Variants in ROCK2 observed in about 807,000 individuals in gnomAD.
ROCK2 encodes the protein rho-associated protein kinase 2.
In ROCK2, 61 loss-of-function variants were observed where a neutral mutation model predicts 195.1. That is an observed-to-expected ratio of 0.31 (90% confidence interval 0.25 to 0.39). The LOEUF (loss-of-function observed/expected upper bound fraction) is 0.39. Ranked by LOEUF, ROCK2 falls within the 10% of genes least tolerant of loss-of-function variation. The pLI is 1.00. For missense variants in ROCK2, 1,109 were observed against 1,637.4 expected (o/e 0.68, Z 5.57); for synonymous variants, 504 against 545.5 (o/e 0.92, Z 1.06).
rs530362552 is a variant in ROCK2 at position 11,208,013 on chromosome 2, C to A, written c.2365-103G>T. 6.2e-4 allele frequency: 465 copies of A among 753,394 alleles called. 3 individuals carry two copies. Among genetic ancestry groups the A allele is most frequent in the Non-Finnish European group, 9.4e-5 (50 of 529,844 alleles). The allele number at this position is 753,394 out of a possible 1,614,324, so 46.7% of individuals were successfully genotyped here. ...GGTGATGTAAAACAGATTTTTTTAC[C>A]CTTAGGTAGCTAATTCATTTCATAC... On this transcript the variant is annotated intron_variant, in intron 19 of 32. Transcript: ENST00000315872.
intron 7 of ROCK2, among the ~76,000 whole-genome samples, 166 bp downstream of exon 7, chr2:11,224,156 G>A (rs900713354): frequency 6.6e-6 from 1 of 152,110 alleles, no homozygotes; most frequent in Non-Finnish European, 1.5e-5. Flanking sequence ...TAACAACAAG[G>A]TAGCCCAACA....
Position 11,232,280 on chromosome 2 carries a change from C to T in ROCK2, c.723+3422G>A, listed in dbSNP as rs562840674. Among the ~76,000 whole-genome samples the T allele has an allele frequency of 2.2e-4, 33 of 152,184 alleles. No homozygotes were observed. The South Asian group carries it at 2.7e-3, about 12-fold the overall frequency. On this transcript the variant is annotated intron_variant, in intron 5 of 32. Coordinates refer to ENST00000315872, the MANE Select transcript of ROCK2 (RefSeq NM_004850.5). ...AGGAGCTGGGATTACAGGCATGCAC[C>T]ATCACGCCTGGCTAATTTTTCTGTT...
At chr2:11,214,159 G>T (rs1459900313) in intron 17 of ROCK2, among the ~76,000 whole-genome samples, 198 bp downstream of exon 17, 1 of 152,092 alleles carries the variant, frequency 6.6e-6, no homozygotes, top group Non-Finnish European at 1.5e-5. Flanking sequence ...TGAGCAACCA[G>T]CATGCTGAGG....
chr2:11,343,888 G>A, intron 1 of ROCK2, 108 bp downstream of exon 1: 2 of 1,374,324 alleles, frequency 1.5e-6, no homozygotes, highest in Non-Finnish European at 1.9e-6. Flanking sequence ...GGGCGGGGTG[G>A]GGCAAGACCT....
intron 3 of ROCK2, among the ~76,000 whole-genome samples, chr2:11,258,907 G>A (rs1666128550): frequency 6.6e-6 from 1 of 151,174 alleles, no homozygotes; most frequent in Non-Finnish European, 1.5e-5. Flanking sequence ...AAAAGGGAAA[G>A]AGTTGGAGCT....
At chr2:11,254,727 TAAAAA>T (rs10640683) in intron 3 of ROCK2, among the ~76,000 whole-genome samples, 3 of 39,126 alleles carry the variant, frequency 7.7e-5, no homozygotes, top group Admixed American at 3.6e-4. Context: ...CCCTGTCTCT[TAAAAA>T]AAAAAAAAAA....
At chr2:11,209,852 T>C (rs142877658) in intron 18 of ROCK2, among the ~76,000 whole-genome samples, 149 of 152,308 alleles carry the variant, frequency 9.8e-4, no homozygotes, top group Non-Finnish European at 1.5e-3. Context: ...AAATGAAACA[T>C]TCCCCATGTA....
Position 11,344,270 on chromosome 2 carries a change from C to A in ROCK2, c.-134G>T. 1 of 1,281,084 alleles carries A rather than the reference C, an allele frequency of 7.8e-7. No individual in the cohort carries two copies. Among genetic ancestry groups the A allele is most frequent in the Non-Finnish European group, 9.8e-7 (1 of 1,016,770 alleles). The allele number at this position is 1,281,084 out of a possible 1,614,324, so 79.4% of individuals were successfully genotyped here. On this transcript the variant is annotated 5_prime_UTR_variant, in exon 1 of 33. Transcript: ENST00000315872. The surrounding 1 kb of genome is among the most constrained non-coding windows in gnomAD (Gnocchi z 5.4). ...CACCGCCTGCCTCTAGCTCCGGCTT[C>A]GGGTCTCCAAGGCGGTCCCCCGCCT...
intron 9 of ROCK2, among the ~76,000 whole-genome samples, chr2:11,220,197 T>C (rs1030903195): frequency 6.6e-6 from 1 of 152,172 alleles, no homozygotes; most frequent in Non-Finnish European, 1.5e-5. Flanking sequence ...TTGTATTTTT[T>C]AGTAGAGACG....
chr2:11,307,096 G>A (rs1283937411), intron 1 of ROCK2, among the ~76,000 whole-genome samples: 1 of 151,950 alleles, frequency 6.6e-6, no homozygotes, highest in Non-Finnish European at 1.5e-5. Flanking sequence ...TAACAACAAT[G>A]GTTTCAATTA....
At chr2:11,332,499 G>A (rs571105423) in intron 1 of ROCK2, among the ~76,000 whole-genome samples, 1 of 152,220 alleles carries the variant, frequency 6.6e-6, no homozygotes, top group Admixed American at 6.5e-5. Flanking sequence ...AAAATCAAAA[G>A]AACAAGCAAA....
rs1664368156 is a variant in ROCK2, at chr2:11,214,820, T to A, written c.1936+20A>T. 2 of 1,581,794 alleles carry A rather than the reference T, an allele frequency of 1.3e-6. No homozygotes were observed. Among genetic ancestry groups the A allele is most frequent in the Non-Finnish European group, 1.7e-6 (2 of 1,166,234 alleles). ...TAAGAATCATCAAAATTAATTCAAG[T>A]GCAACCACGACTTCAATACCTTGTA... is the stretch of plus-strand genomic sequence containing the variant. On this transcript the variant is annotated intron_variant, in intron 16 of 32. Transcript: ENST00000315872.
chr2:11,236,935 G>A (rs1383959300), intron 4 of ROCK2, among the ~76,000 whole-genome samples: 2 of 152,156 alleles, frequency 1.3e-5, no homozygotes, highest in African/African-American at 2.4e-5. Context: ...TGGATCACCT[G>A]AGGTCAGGAG....
intron 1 of ROCK2, among the ~76,000 whole-genome samples, chr2:11,293,705 A>G (rs1667428003): frequency 6.6e-6 from 1 of 152,180 alleles, no homozygotes; most frequent in African/African-American, 2.4e-5. Context: ...TTTTTAAAAT[A>G]TTACATTAAA....
intron 1 of ROCK2, chr2:11,309,005 T>C: frequency 6.3e-7 from 1 of 1,593,446 alleles, no homozygotes; most frequent in East Asian, 2.2e-5. Context: ...ATCATAGCTC[T>C]GTGTAGCGTA....
chr2:11,274,101 G>A (rs1666744350), intron 3 of ROCK2, among the ~76,000 whole-genome samples: 1 of 151,494 alleles, frequency 6.6e-6, no homozygotes, highest in African/African-American at 2.4e-5. Context: ...ACGGAATACA[G>A]CAAAAGTAGT....
intron 3 of ROCK2, among the ~76,000 whole-genome samples, chr2:11,275,250 T>A (rs1666783574): frequency 7.3e-6 from 1 of 137,322 alleles, no homozygotes; most frequent in Admixed American, 7.2e-5. Flanking sequence ...ACAGCGAGAC[T>A]TCATGTCAAA....
intron 4 of ROCK2, among the ~76,000 whole-genome samples, chr2:11,244,882 T>C (rs930713381): frequency 6.6e-6 from 1 of 152,084 alleles, no homozygotes; most frequent in African/African-American, 2.4e-5. Flanking sequence ...CAGAAAAAAG[T>C]AGTATGCTTC....
At chr2:11,275,651 C>T (rs1238477828) in intron 3 of ROCK2, among the ~76,000 whole-genome samples, 2 of 150,338 alleles carry the variant, frequency 1.3e-5, no homozygotes, top group Non-Finnish European at 1.5e-5. Flanking sequence ...AACACATAAT[C>T]ATTTCAATTG....
Sources: allele counts gnomAD v4.1 joint callset (sites outside exome capture counted in the v4.1 genomes callset), GRCh38; gene constraint gnomAD v4.1.1; non-coding constraint Gnocchi (gnomAD v3.1); transcripts MANE v1.5; gene names NCBI Gene and HGNC (gene_info 2026-07-23, HGNC 2026-07-21).